Variants in RNF135 observed in about 807,000 individuals in gnomAD.
RNF135 encodes E3 ubiquitin-protein ligase RNF135.
RNF135 carries 46 observed loss-of-function variants against 41.9 expected under a neutral mutation model. The observed-to-expected ratio is 1.10, with a 90% CI of 0.87 to 1.40. The LOEUF (loss-of-function observed/expected upper bound fraction) is 1.40. Ranked by LOEUF, RNF135 falls within the 40% of genes most tolerant of loss-of-function variation. The pLI is 0.00. For synonymous variants in RNF135, 238 were observed against 223.8 expected, an observed-to-expected ratio of 1.06 and a Z score of -0.57; for missense variants, 539 against 549.8, an observed-to-expected ratio of 0.98 and a Z score of 0.20.
chr17:30,966,062 GC>G (rs1355894736), upstream of RNF135, among the ~76,000 whole-genome samples: 1 of 152,188 alleles, frequency 6.6e-6, no homozygotes, highest in Non-Finnish European at 1.5e-5. Flanking sequence ...CAGAATTCAG[GC>G]CCCTCCCATA....
At chr17:30,990,296 G>T (rs931697662) in intron 3 of RNF135, among the ~76,000 whole-genome samples, 14 of 152,122 alleles carry the variant, frequency 9.2e-5, no homozygotes, top group South Asian at 6.2e-4. Flanking sequence ...GCCAAGGAGG[G>T]TGGATCACCT....
At chr17:30,960,571 A>C in the RNF135 span, among the ~76,000 whole-genome samples, 2 of 152,044 alleles carry the variant, frequency 1.3e-5, no homozygotes, top group African/African-American at 4.8e-5. Flanking sequence ...AGCAAAGAAC[A>C]GTTATGTCAC....
rs980635758 is a variant in RNF135 at position 30,991,703 on chromosome 17, C to G, written c.679+3597C>G. On this transcript the variant is annotated intron_variant, in intron 3 of 4. Transcript: ENST00000328381. ...TGCTGGGATTACAGGGGTGAGCCAC[C>G]GTGCCCGGCCTATACTACACTTTTA... Among the ~76,000 whole-genome samples, 4 of 151,852 alleles carry G rather than the reference C, an allele frequency of 2.6e-5. No homozygotes were observed. The East Asian group carries it at 7.8e-4, about 30-fold the overall frequency.
intron 1 of RNF135, among the ~76,000 whole-genome samples, chr17:30,980,609 G>A (rs1223552159): frequency 7.1e-6 from 1 of 140,122 alleles, no homozygotes; most frequent in African/African-American, 2.7e-5. Flanking sequence ...TCTCAGACGG[G>A]GCGGTTGCCA....
At chr17:30,980,128 A>T (rs1906959100) in intron 1 of RNF135, 1 of 137,158 alleles carries the variant, frequency 7.3e-6, no homozygotes, top group Non-Finnish European at 1.5e-5. Context: ...GGCCGGGCAG[A>T]GGGGCTCCTC....
chr17:30,960,008 A>G, the RNF135 span, among the ~76,000 whole-genome samples: 3 of 151,198 alleles, frequency 2.0e-5, no homozygotes, highest in East Asian at 5.9e-4. Flanking sequence ...AAAAAGAAAA[A>G]GAAAAGAAAA....
intron 1 of RNF135, chr17:30,975,870 G>A: frequency 1.4e-6 from 1 of 715,786 alleles, no homozygotes. Flanking sequence ...AACGTATATG[G>A]CTTCTACCCC....
intron 1 of RNF135, among the ~76,000 whole-genome samples, chr17:30,981,837 CAGA>C (rs1263653863): frequency 1.3e-5 from 2 of 152,222 alleles, no homozygotes; most frequent in East Asian, 3.8e-4. Context: ...GTATAAGATC[CAGA>C]AGAATTATCT....
upstream of RNF135, chr17:30,970,954 G>C: frequency 7.3e-7 from 1 of 1,378,284 alleles, no homozygotes. Context: ...CGCCAAGGAA[G>C]GAGGAGAAAA....
chr17:30,994,630 T>A (rs768992832), intron 3 of RNF135, among the ~76,000 whole-genome samples: 28 of 152,034 alleles, frequency 1.8e-4, no homozygotes, highest in Non-Finnish European at 3.1e-4. Context: ...TGTAACTTTA[T>A]TTTATTTTAT....
chr17:30,973,613 G>A (rs1336168269), intron 1 of RNF135, among the ~76,000 whole-genome samples: 2 of 151,860 alleles, frequency 1.3e-5, no homozygotes, highest in Non-Finnish European at 2.9e-5. Flanking sequence ...GATTACAGGC[G>A]CCTGCCACCA....
intron 1 of RNF135, among the ~76,000 whole-genome samples, chr17:30,979,980 G>C (rs1342779600): frequency 2.0e-4 from 22 of 111,136 alleles, no homozygotes; most frequent in Non-Finnish European, 3.2e-4. Context: ...CTGGCCAGGC[G>C]GGGGGCTGAT....
At chr17:30,968,547 G>A (rs1905652082), upstream of RNF135, among the ~76,000 whole-genome samples, 1 of 151,622 alleles carries the variant, frequency 6.6e-6, no homozygotes, top group African/African-American at 2.4e-5. Context: ...CGTCACGCCC[G>A]GCTAATTTTT....
At chr17:30,971,484 G>T (rs1905941660) in intron 1 of RNF135, 39 bp downstream of exon 1, 2 of 1,457,312 alleles carry the variant, frequency 1.4e-6, no homozygotes, top group Admixed American at 2.7e-5. Flanking sequence ...GGCTCCCCCG[G>T]GCTGCCCGCC....
upstream of RNF135, among the ~76,000 whole-genome samples, chr17:30,966,414 AT>A (rs929736003): frequency 9.1e-5 from 10 of 109,850 alleles, no homozygotes; most frequent in African/African-American, 5.7e-4. Context: ...ATTTTATTTT[AT>A]TTTTTTATTT....
the RNF135 span, chr17:30,959,944 G>T: frequency 6.7e-6 from 1 of 150,252 alleles, no homozygotes; most frequent in Non-Finnish European, 1.5e-5. Flanking sequence ...TGGGCCTGGG[G>T]GGTTATGCAC....
chr17:30,993,757 AT>A (rs970705219), intron 3 of RNF135: 28 of 974,886 alleles, frequency 2.9e-5, no homozygotes, highest in South Asian at 8.0e-5. Flanking sequence ...TTTTTAAAAA[AT>A]TTTTTTCCTT....
intron 2 of RNF135, among the ~76,000 whole-genome samples, chr17:30,986,385 C>T (rs969020403): frequency 6.6e-5 from 10 of 152,212 alleles, no homozygotes; most frequent in Middle Eastern, 6.8e-3. Flanking sequence ...TTAGTAGAGA[C>T]GGGGTTTCAC....
At chr17:30,977,526 A>G (rs1251404169) in intron 1 of RNF135, among the ~76,000 whole-genome samples, 2 of 152,132 alleles carry the variant, frequency 1.3e-5, no homozygotes, top group Non-Finnish European at 2.9e-5. Context: ...GGCATGCGCC[A>G]CCATGCCCAG....
Sources: gnomAD v4.1 joint callset for allele counts (sites outside exome capture counted in the v4.1 genomes callset) on GRCh38, gnomAD v4.1.1 for gene constraint, MANE v1.5 for transcripts, NCBI Gene and HGNC (gene_info 2026-07-23, HGNC 2026-07-21) for gene names.